DNAH9: variants seen among roughly 807,000 people sequenced by gnomAD.
DNAH9 encodes the protein DNAH9 variant protein.
In DNAH9, 345 loss-of-function variants were observed where a neutral mutation model predicts 471.6. The observed-to-expected ratio is 0.73, with a 90% CI of 0.67 to 0.80. The LOEUF is 0.80. Ranked by LOEUF, DNAH9 falls within the 30% of genes least tolerant of loss-of-function variation. DNAH9 has a pLI of 0.00. For missense variants in DNAH9, 5,407 were observed against 5,609.2 expected, an observed-to-expected ratio of 0.96 and a Z score of 1.15; for synonymous variants, 2,093 against 2,123.6, an observed-to-expected ratio of 0.99 and a Z score of 0.40.
Position 11,742,167 on chromosome 17 carries a change from A to G in DNAH9, c.5973-8A>G, listed in dbSNP as rs139667153. The G allele has an allele frequency of 1.9e-6, 3 of 1,613,704 alleles. No individual in the cohort carries two copies. The highest frequency in any genetic ancestry group is 1.3e-5 in the African/African-American group (1 of 74,978). ...AACTGACTGGGCCTTCTGTCTTTCTATACTCAGGCCTTGTGCAATGGTGGT... is the reference window on the plus strand; with the variant it reads ...AACTGACTGGGCCTTCTGTCTTTCTGTACTCAGGCCTTGTGCAATGGTGGT... On this transcript the variant is annotated splice_region_variant and splice_polypyrimidine_tract_variant and intron_variant, in intron 29 of 68. Transcript: ENST00000262442.
intron 67 of DNAH9, among the ~76,000 whole-genome samples, chr17:11,949,671 G>A (rs532885024): frequency 6.6e-6 from 1 of 152,066 alleles, no homozygotes; most frequent in Non-Finnish European, 1.5e-5. Context: ...AGTAGAGAGG[G>A]GGTTTCTCCA....
At chr17:11,846,585 T>C (rs1971233448) in intron 49 of DNAH9, among the ~76,000 whole-genome samples, 2 of 146,032 alleles carry the variant, frequency 1.4e-5, no homozygotes, top group African/African-American at 5.1e-5. Context: ...ATCTGTAAAT[T>C]ACCTTGGGCA....
chr17:11,725,961 T>C (rs2075144564), intron 27 of DNAH9, among the ~76,000 whole-genome samples: 2 of 152,350 alleles, frequency 1.3e-5, no homozygotes, highest in African/African-American at 4.8e-5. Flanking sequence ...GCTCTGCTCA[T>C]GTTCTCTGCT....
chr17:11,757,575 G>A lies in DNAH9; in HGVS notation c.6878G>A (p.Gly2293Glu), dbSNP rs868162009. The change falls in exon 35 of 69, where the codon GGA becomes GAA. Residue 2293 changes from glycine (G) to glutamate (E), a missense_variant. This residue lies in a region of DNAH9 where 4,636 missense variants were observed against 4,900.3 expected (regional missense o/e 0.95). Coordinates refer to ENST00000262442, the MANE Select transcript of DNAH9 (RefSeq NM_001372.4). ...TTGTACATCAACCCGGCAGACTTGG[G>A]ATGGAACCCTCCAGTGAGCAGCTGG... ...GILYINPADL[G>E]WNPPVSSWIE... is the part of the protein sequence containing the mutation. 6.2e-7 allele frequency: 1 copy of A among 1,613,978 alleles called. No individual in the cohort carries two copies. The highest frequency in any genetic ancestry group is 2.2e-5 in the East Asian group (1 of 44,884).
In DNAH9 at chr17:11,953,149, G is replaced by T. The variant is rs1453757976; in HGVS notation, c.12844-8718G>T. ...CAATACAGTCACATGGAGGGTTGGG[G>T]CTTCAACATATGAATTTGCCAGGTA... On this transcript the variant is annotated intron_variant, in intron 67 of 68. Coordinates refer to ENST00000262442, the MANE Select transcript of DNAH9 (RefSeq NM_001372.4). Among the ~76,000 whole-genome samples the T allele has an allele frequency of 3.3e-5, 5 of 152,280 alleles. No homozygotes were observed. In the East Asian group the frequency reaches 5.8e-4, roughly 18 times the overall value.
Position 11,679,869 on chromosome 17 carries a change from A to G in DNAH9, c.3466A>G (p.Lys1156Glu). The change falls in exon 18 of 69, where the codon AAA becomes GAA. Residue 1156 changes from lysine to glutamate, a missense_variant. By Grantham distance (56) the Lys-to-Glu change is moderately conservative (BLOSUM62 1). Around this residue, in one of 3 missense-constraint regions of DNAH9, gnomAD observed 4,636 missense variants for 4,900.3 expected, o/e 0.95. Coordinates refer to ENST00000262442, the MANE Select transcript of DNAH9 (RefSeq NM_001372.4). ...VEIMGHLMAV[K>E]ERQSNTDEMF... ...GATCATGGGACACCTTATGGCTGTT[A>G]AAGAACGGCAGAGTAACACTGATGA... is the stretch of plus-strand genomic sequence containing the variant. 4 of 1,614,172 alleles carry G rather than the reference A, an allele frequency of 2.5e-6. No homozygotes were observed. The highest frequency in any genetic ancestry group is 3.4e-6 in the Non-Finnish European group (4 of 1,180,004).
In DNAH9 at chr17:11,610,390, T is replaced by C; in HGVS notation, c.615-6T>C. ...GTTATCATTGTTGTTGTTTTGTCTTTCACAGCTTGGATTCTATAGATAAGT... is the reference window on the plus strand; with the variant it reads ...GTTATCATTGTTGTTGTTTTGTCTTCCACAGCTTGGATTCTATAGATAAGT... On this transcript the variant is annotated splice_region_variant and splice_polypyrimidine_tract_variant and intron_variant, in intron 2 of 68. Transcript: ENST00000262442. 10 of 1,610,504 alleles carry C rather than the reference T, an allele frequency of 6.2e-6. No homozygotes were observed. Among genetic ancestry groups the C allele is most frequent in the Non-Finnish European group, 7.6e-6 (9 of 1,178,350 alleles).
chr17:11,834,612 ATAAGTCCCGTG>A lies in DNAH9; in HGVS notation c.9247-25_9247-15del. The A allele has an allele frequency of 6.2e-7, 1 of 1,612,872 alleles. No individual in the cohort carries two copies. Among genetic ancestry groups the A allele is most frequent in the South Asian group, 1.1e-5 (1 of 90,858 alleles). The stretch of plus-strand genomic sequence containing the variant: ...ACAGTCCCTCCAGTCACAACTCCTG[ATAAGTCCCGTG>A]CTTCTCCAATGCAGGTGGATGATCT... On this transcript the variant is annotated splice_polypyrimidine_tract_variant and intron_variant, in intron 48 of 68. Coordinates refer to ENST00000262442, the MANE Select transcript of DNAH9 (RefSeq NM_001372.4).
intron 67 of DNAH9, among the ~76,000 whole-genome samples, chr17:11,958,525 A>G (rs1483050244): frequency 6.6e-6 from 1 of 152,220 alleles, no homozygotes; most frequent in Non-Finnish European, 1.5e-5. Flanking sequence ...CCAAACACAT[A>G]GAATGTACAA....
chr17:11,745,594 A>G (rs73975088), intron 31 of DNAH9, among the ~76,000 whole-genome samples: 2,043 of 152,348 alleles, frequency 0.013, 47 homozygotes, highest in African/African-American at 0.047. Context: ...GGACAGACAC[A>G]GACACACACA....
intron 14 of DNAH9, among the ~76,000 whole-genome samples, chr17:11,660,714 G>A (rs2073745922): frequency 6.6e-6 from 1 of 152,068 alleles, no homozygotes; most frequent in Non-Finnish European, 1.5e-5. Context: ...TTTAAAAATT[G>A]ATATCTAATT....
intron 8 of DNAH9, among the ~76,000 whole-genome samples, chr17:11,635,782 G>T (rs910845732): frequency 6.6e-6 from 1 of 152,080 alleles, no homozygotes; most frequent in Non-Finnish European, 1.5e-5. Flanking sequence ...AAACACTGAG[G>T]GGTTAGGGCA....
intron 38 of DNAH9, among the ~76,000 whole-genome samples, chr17:11,776,998 T>A (rs1968461197): frequency 6.6e-6 from 1 of 152,230 alleles, no homozygotes; most frequent in Admixed American, 6.5e-5. Flanking sequence ...TGTTGAGGGT[T>A]ACTATAATAA....
rs1167775105 is a variant in DNAH9 at position 11,968,447 on chromosome 17, A to G, written c.13234-853A>G. On this transcript the variant is annotated intron_variant, in intron 68 of 68. Transcript: ENST00000262442. ...ACAAAGAATCTGTGAAACACTCTGA[A>G]TCAGCATTTCCCAAAGTATGGTCCA... is the stretch of plus-strand genomic sequence containing the variant. 3.3e-5 allele frequency among the ~76,000 whole-genome samples: 5 copies of G among 152,358 alleles called. No homozygotes were observed. The East Asian group carries it at 7.7e-4, about 24-fold the overall frequency.
rs779457653 is a variant in DNAH9 at position 11,669,145 on chromosome 17, A to C, written c.2813A>C (p.Glu938Ala). The C allele has an allele frequency of 1.2e-6, 2 of 1,613,628 alleles. No individual in the cohort carries two copies. Among genetic ancestry groups the C allele is most frequent in the Non-Finnish European group, 1.7e-6 (2 of 1,179,630 alleles). The change falls in exon 16 of 69, where the codon GAG becomes GCG. Residue 938 changes from glutamate to alanine, a missense_variant. Glu to Ala is a moderately radical substitution (Grantham distance 107). Coordinates refer to ENST00000262442, the MANE Select transcript of DNAH9 (RefSeq NM_001372.4). ...IPELVFYPSL[E>A]SGVKGGFCDI... ...GAGCTAGTTTTCTATCCGTCTCTGGAGTCTGGAGTGAAGGGGGGTTTCTGT... is the reference window on the plus strand; with the variant it reads ...GAGCTAGTTTTCTATCCGTCTCTGGCGTCTGGAGTGAAGGGGGGTTTCTGT...
rs1173533742 is a variant in DNAH9 at position 11,689,902 on chromosome 17, A to G, written c.4080A>G (p.Glu1360=). The G allele has an allele frequency of 5.6e-6, 9 of 1,608,650 alleles. No homozygotes were observed. Among genetic ancestry groups the G allele is most frequent in the Non-Finnish European group, 7.6e-6 (9 of 1,177,218 alleles). The part of the protein sequence containing the change: ...VRAWDAFTGL[E]STVWNTLSSL... Reference sequence around the variant, plus strand: ...CCTGGGATGCATTCACAGGCCTGGAAAGCACTGTGTGGAACACGCTGAGCT... The same window carrying G: ...CCTGGGATGCATTCACAGGCCTGGAGAGCACTGTGTGGAACACGCTGAGCT... Residue 1360 remains glutamate (E), a synonymous_variant, in exon 20 of 69, where the codon GAA becomes GAG. Coordinates refer to ENST00000262442, the MANE Select transcript of DNAH9 (RefSeq NM_001372.4).
chr17:11,609,957 T>C (rs34432129), intron 2 of DNAH9, among the ~76,000 whole-genome samples: 16,166 of 152,230 alleles, frequency 0.11, 1,747 homozygotes, highest in African/African-American at 0.27. Flanking sequence ...GACAAACTTT[T>C]TCCTTGGGAG....
In DNAH9 at chr17:11,744,944, A is replaced by G. The variant is rs9892290; in HGVS notation, c.6259A>G (p.Met2087Val). 1.4e-3 allele frequency: 2,320 copies of G among 1,614,166 alleles called. 25 individuals are homozygous for G. The African/African-American group carries it at 0.024, about 16-fold the overall frequency. ...CATCCCCAAGATTGTGACTGATGAC[A>G]TGCCCATCTTCATGGGCCTGATCGG... is the stretch of plus-strand genomic sequence containing the variant. ...FNIPKIVTDD[M>V]PIFMGLIGDL... Residue 2087 changes from methionine (M) to valine (V), a missense_variant, in exon 31 of 69, where the codon ATG (methionine) becomes GTG (valine). Transcript: ENST00000262442.
Position 11,894,384 on chromosome 17 carries a change from T to C in DNAH9, c.11294T>C (p.Met3765Thr), listed in dbSNP as rs974769370. ...LAQLTFQILL[M>T]NREVNAVELD... ...TTCTCCACATTGCAGATTCTCCTCA[T>C]GAACCGAGAAGTCAATGCAGTGGAG... The change falls in exon 59 of 69, where the codon ATG becomes ACG. Residue 3765 changes from methionine (M) to threonine (T), a missense_variant. By Grantham distance (81) the Met-to-Thr change is moderately conservative. This residue lies in a region of DNAH9 where 4,636 missense variants were observed against 4,900.3 expected (regional missense o/e 0.95). Coordinates refer to ENST00000262442, the MANE Select transcript of DNAH9 (RefSeq NM_001372.4). The C allele has an allele frequency of 1.2e-6, 2 of 1,614,148 alleles. No homozygotes were observed. Among genetic ancestry groups the C allele is most frequent in the African/African-American group, 2.7e-5 (2 of 75,054 alleles).
Sources: gnomAD v4.1 joint callset for allele counts (sites outside exome capture counted in the v4.1 genomes callset) on GRCh38, gnomAD v4.1.1 for gene constraint, gnomAD v4.1.1 regional missense constraint, MANE v1.5 for transcripts, NCBI Gene and HGNC (gene_info 2026-07-23, HGNC 2026-07-21) for gene names.